The following CNTNAP2 variants were observed in gnomAD, a reference collection of about 807,000 sequenced individuals.
The protein encoded by CNTNAP2 is contactin-associated protein-like 2.
Under a neutral mutation model 155.2 loss-of-function variants are expected in CNTNAP2, and 98 were observed. The observed-to-expected ratio is 0.63, with a 90% CI of 0.54 to 0.75. The LOEUF is 0.75. Among genes scored for constraint, CNTNAP2 ranks in the 30% least tolerant of loss-of-function variants. CNTNAP2 has a pLI of 0.00. For synonymous variants in CNTNAP2, 651 were observed against 631.2 expected, an observed-to-expected ratio of 1.03 and a Z score of -0.47; for missense variants, 1,727 against 1,688.1, an observed-to-expected ratio of 1.02 and a Z score of -0.40.
chr7:147,276,129 T>G (rs2116715450), intron 8 of CNTNAP2, among the ~76,000 whole-genome samples: 1 of 152,128 alleles, frequency 6.6e-6, no homozygotes, highest in East Asian at 1.9e-4. Flanking sequence ...GATGTTGACT[T>G]GTATTTTTCT....
At chr7:147,761,208 G>A (rs557282652) in intron 13 of CNTNAP2, among the ~76,000 whole-genome samples, 1 of 152,252 alleles carries the variant, frequency 6.6e-6, no homozygotes, top group South Asian at 2.1e-4. Context: ...TTGTCTCTTA[G>A]AATACACATT....
chr7:147,761,512 A>G (rs887139218), intron 13 of CNTNAP2, among the ~76,000 whole-genome samples: 4 of 152,162 alleles, frequency 2.6e-5, no homozygotes, highest in Admixed American at 1.3e-4. Flanking sequence ...GTGCTTCAAC[A>G]ATCACCATTT....
intron 3 of CNTNAP2, among the ~76,000 whole-genome samples, chr7:146,865,502 A>T (rs1178828424): frequency 1.3e-5 from 2 of 152,158 alleles, no homozygotes; most frequent in Non-Finnish European, 2.9e-5. Flanking sequence ...TCACATATAT[A>T]TGGAGAATTA....
At chr7:148,388,131 A>ATTCTT (rs1563068756) in intron 22 of CNTNAP2, among the ~76,000 whole-genome samples, 1 of 152,126 alleles carries the variant, frequency 6.6e-6, no homozygotes, top group African/African-American at 2.4e-5. Context: ...TGGTGTAGCT[A>ATTCTT]TTCTTTTATT....
chr7:148,410,460 G>A (rs543047370), intron 23 of CNTNAP2, among the ~76,000 whole-genome samples: 10 of 151,338 alleles, frequency 6.6e-5, no homozygotes, highest in African/African-American at 9.7e-5. Flanking sequence ...CCAGCTACTC[G>A]GGAGCCTGAG....
intron 1 of CNTNAP2, among the ~76,000 whole-genome samples, chr7:146,666,307 G>T (rs1193191366): frequency 6.6e-6 from 1 of 152,030 alleles, no homozygotes; most frequent in South Asian, 2.1e-4. Flanking sequence ...TTCTATATAC[G>T]TTGCCACAAA....
chr7:147,784,478 T>G (rs1196634931), intron 13 of CNTNAP2, among the ~76,000 whole-genome samples: 4 of 109,908 alleles, frequency 3.6e-5, no homozygotes, highest in Admixed American at 9.6e-5. Context: ...TCTCTTAATA[T>G]TCTGGGCTCT....
chr7:147,013,359 G>C (rs940726614), intron 3 of CNTNAP2, among the ~76,000 whole-genome samples: 15 of 152,110 alleles, frequency 9.9e-5, no homozygotes, highest in Non-Finnish European at 8.8e-5. Context: ...TCTTTGGAAT[G>C]AGAACTAAAC....
At chr7:146,608,620 A>G (rs935328320) in intron 1 of CNTNAP2, among the ~76,000 whole-genome samples, 1 of 152,202 alleles carries the variant, frequency 6.6e-6, no homozygotes, top group African/African-American at 2.4e-5. Context: ...ATTCAAAATA[A>G]TTGATGTAAG....
chr7:146,659,038 G>A (rs1800040508), intron 1 of CNTNAP2, among the ~76,000 whole-genome samples: 1 of 152,168 alleles, frequency 6.6e-6, no homozygotes, highest in East Asian at 1.9e-4. Context: ...TACTGACCGT[G>A]GGTACTTCTG....
intron 10 of CNTNAP2, among the ~76,000 whole-genome samples, chr7:147,402,751 G>A (rs971129299): frequency 2.6e-5 from 4 of 152,000 alleles, no homozygotes; most frequent in Non-Finnish European, 5.9e-5. Flanking sequence ...CTTAGGCTAC[G>A]CCCCCTTTAC....
chr7:147,356,655 T>C (rs185375817), intron 9 of CNTNAP2, among the ~76,000 whole-genome samples: 2 of 152,170 alleles, frequency 1.3e-5, no homozygotes, highest in Non-Finnish European at 2.9e-5. Flanking sequence ...AATGATATTA[T>C]AGTCTAAGTG....
intron 1 of CNTNAP2, among the ~76,000 whole-genome samples, chr7:146,545,406 T>C (rs752751928): frequency 3.3e-5 from 5 of 151,872 alleles, no homozygotes; most frequent in African/African-American, 7.3e-5. Context: ...GTTTGTTACA[T>C]AGGTATACAC....
intron 20 of CNTNAP2, among the ~76,000 whole-genome samples, chr7:148,248,321 C>T (rs1051907186): frequency 6.6e-6 from 1 of 152,078 alleles, no homozygotes; most frequent in Non-Finnish European, 1.5e-5. Flanking sequence ...GCCTCAGCCT[C>T]CCAAGTAGCT....
chr7:146,733,854 CAT>C (rs1801567482), intron 1 of CNTNAP2, among the ~76,000 whole-genome samples: 1 of 152,052 alleles, frequency 6.6e-6, no homozygotes, highest in African/African-American at 2.4e-5. Context: ...GTTACTTGAC[CAT>C]GTCCATGGTA....
intron 1 of CNTNAP2, among the ~76,000 whole-genome samples, chr7:146,695,019 C>T (rs1240454206): frequency 2.0e-5 from 3 of 152,102 alleles, no homozygotes; most frequent in African/African-American, 7.2e-5. Flanking sequence ...CATAGGTAAT[C>T]ATGACATTTG....
At chr7:147,153,617 G>A (rs1563095473) in intron 8 of CNTNAP2, among the ~76,000 whole-genome samples, 2 of 152,264 alleles carry the variant, frequency 1.3e-5, no homozygotes, top group African/African-American at 4.8e-5. Context: ...AAGAGTAAAT[G>A]TTTCCTGAAC....
intron 10 of CNTNAP2, among the ~76,000 whole-genome samples, chr7:147,412,928 A>G (rs1797128298): frequency 6.6e-6 from 1 of 152,188 alleles, no homozygotes; most frequent in Non-Finnish European, 1.5e-5. Context: ...TAGTCCAAGG[A>G]ATTCATAAAC....
Position 148,221,164 on chromosome 7 carries a change from G to T in CNTNAP2, c.3247+3640G>T, listed in dbSNP as rs139894782. Among the ~76,000 whole-genome samples, 547 of 152,232 alleles carry T rather than the reference G, an allele frequency of 3.6e-3. 5 individuals are homozygous for T. Among genetic ancestry groups the T allele is most frequent in the African/African-American group, 0.013 (521 of 41,516 alleles). On this transcript the variant is annotated intron_variant, in intron 19 of 23. Transcript: ENST00000361727. The stretch of plus-strand genomic sequence containing the variant: ...TGTGAGGACTTTCATTGTCTTCAAG[G>T]GCGTTGATCAATGGATTCTGTATTA...
Sources: allele counts gnomAD v4.1 joint callset (sites outside exome capture counted in the v4.1 genomes callset), GRCh38; gene constraint gnomAD v4.1.1; transcripts MANE v1.5; gene names NCBI Gene and HGNC (gene_info 2026-07-23, HGNC 2026-07-21).